KALRN: variants seen among roughly 807,000 people sequenced by gnomAD.
KALRN encodes kalirin RhoGEF kinase.
Under a neutral mutation model 353.7 loss-of-function variants are expected in KALRN, and 70 were observed. The ratio of observed to expected loss-of-function variants is 0.20; its 90% confidence interval spans 0.16 to 0.24. The LOEUF (loss-of-function observed/expected upper bound fraction) is 0.24. Ranked by LOEUF, KALRN falls within the 10% of genes least tolerant of loss-of-function variation. The pLI is 1.00. For missense variants in KALRN, 2,791 were observed against 3,756.7 expected, an observed-to-expected ratio of 0.74 and a Z score of 6.72; for synonymous variants, 1,391 against 1,434.8, an observed-to-expected ratio of 0.97 and a Z score of 0.69.
At chr3:124,518,297 T>C (rs2066851346) in intron 33 of KALRN, 1 of 955,324 alleles carries the variant, frequency 1.0e-6, no homozygotes, top group Non-Finnish European at 1.7e-6. Context: ...TACAGTAGGT[T>C]GCACTGATGA....
intron 15 of KALRN, among the ~76,000 whole-genome samples, chr3:124,427,741 A>G (rs929813847): frequency 6.6e-6 from 1 of 152,222 alleles, no homozygotes; most frequent in South Asian, 2.1e-4. Flanking sequence ...CTTCATTTCT[A>G]CTAACTGATT....
intron 6 of KALRN, among the ~76,000 whole-genome samples, chr3:124,315,597 G>A (rs957746839): frequency 5.3e-5 from 8 of 151,600 alleles, no homozygotes; most frequent in Non-Finnish European, 1.2e-4. Flanking sequence ...TTGTCAGCAT[G>A]TTCCATAACC....
chr3:124,258,673 G>A (rs946158880), intron 3 of KALRN, among the ~76,000 whole-genome samples: 15 of 152,202 alleles, frequency 9.9e-5, no homozygotes, highest in Non-Finnish European at 2.1e-4. Flanking sequence ...CCTACTATGT[G>A]CCAGGCACTG....
chr3:124,301,909 G>A (rs1467740524), intron 6 of KALRN, among the ~76,000 whole-genome samples: 1 of 152,204 alleles, frequency 6.6e-6, no homozygotes, highest in African/African-American at 2.4e-5. Flanking sequence ...TAGGCTGCAG[G>A]TAAGTCTTTT....
intron 1 of KALRN, among the ~76,000 whole-genome samples, chr3:124,115,248 T>A (rs1041176055): frequency 1.3e-5 from 2 of 152,144 alleles, no homozygotes; most frequent in Admixed American, 6.5e-5. Context: ...GAAAGGTTGG[T>A]TGGGTGGGCT....
intron 33 of KALRN, among the ~76,000 whole-genome samples, chr3:124,553,769 G>A (rs1324914339): frequency 2.0e-5 from 3 of 152,226 alleles, no homozygotes; most frequent in African/African-American, 7.2e-5. Context: ...GCACAAAGGA[G>A]CCAGGAGATG....
rs183982458 is a variant in KALRN at position 124,175,065 on chromosome 3, T to G, written c.74-52925T>G. Among the ~76,000 whole-genome samples, 209 of 152,240 alleles carry G rather than the reference T, an allele frequency of 1.4e-3. 3 individuals carry two copies. Among genetic ancestry groups the G allele is most frequent in the East Asian group, 5.8e-3 (30 of 5,168 alleles). ...GACTTCTATTGTCATAAAAAATTAA[T>G]GTGGAGGATGAGGTGATTTGTAGGG... On this transcript the variant is annotated intron_variant, in intron 1 of 59. Transcript: ENST00000682506.
chr3:124,150,265 C>G (rs2067914466), intron 1 of KALRN, among the ~76,000 whole-genome samples: 1 of 152,078 alleles, frequency 6.6e-6, no homozygotes, highest in Non-Finnish European at 1.5e-5. Flanking sequence ...CTAAAAAGCC[C>G]CTTATGTGTA....
intron 39 of KALRN, among the ~76,000 whole-genome samples, chr3:124,656,769 C>G (rs1028601720): frequency 2.6e-5 from 4 of 152,144 alleles, no homozygotes; most frequent in African/African-American, 4.8e-5. Context: ...CTTGGATAAA[C>G]AGATTAACCA....
intron 16 of KALRN, among the ~76,000 whole-genome samples, chr3:124,431,966 G>C (rs2093294924): frequency 6.6e-6 from 1 of 152,180 alleles, no homozygotes; most frequent in Admixed American, 6.5e-5. Flanking sequence ...TGCACACACA[G>C]CATCAGCAAA....
At chr3:124,687,951 C>G (rs765463490) in intron 51 of KALRN, among the ~76,000 whole-genome samples, 3 of 152,052 alleles carry the variant, frequency 2.0e-5, no homozygotes, top group Admixed American at 6.5e-5. Context: ...ACAAGTCTAT[C>G]GCTGCTTGGG....
rs762520505 is a variant in KALRN at position 124,461,859 on chromosome 3, T to C, written c.3855-31T>C. 4 of 1,537,022 alleles carry C rather than the reference T, an allele frequency of 2.6e-6. No individual in the cohort carries two copies. In the African/African-American group the frequency reaches 4.1e-5, roughly 16 times the overall value. On this transcript the variant is annotated intron_variant, in intron 23 of 59. Coordinates refer to ENST00000682506, the MANE Select transcript of KALRN (RefSeq NM_001388419.1). ...AAGGAGGAGAGACATTATATCTATATCCAAGTAAAAGCCCATTTGTTTCCT... is the reference window on the plus strand; with the variant it reads ...AAGGAGGAGAGACATTATATCTATACCCAAGTAAAAGCCCATTTGTTTCCT...
At chr3:124,610,942 C>T (rs2077883301) in intron 34 of KALRN, among the ~76,000 whole-genome samples, 1 of 152,156 alleles carries the variant, frequency 6.6e-6, no homozygotes, top group African/African-American at 2.4e-5. Flanking sequence ...GGGAGGATTG[C>T]TTGAGCCTGG....
intron 1 of KALRN, among the ~76,000 whole-genome samples, chr3:124,052,770 A>G (rs541798303): frequency 6.6e-6 from 1 of 152,168 alleles, no homozygotes; most frequent in Admixed American, 6.5e-5. Context: ...AGTAGTGGAT[A>G]GCAGGGCCAT....
At chr3:124,382,245 T>C (rs2087503212) in intron 10 of KALRN, among the ~76,000 whole-genome samples, 1 of 152,242 alleles carries the variant, frequency 6.6e-6, no homozygotes, top group Non-Finnish European at 1.5e-5. Flanking sequence ...AAATATTTAA[T>C]AATAATTAGC....
intron 11 of KALRN, among the ~76,000 whole-genome samples, chr3:124,388,362 G>A (rs1484702592): frequency 6.6e-6 from 1 of 151,646 alleles, no homozygotes; most frequent in Non-Finnish European, 1.5e-5. Context: ...CTTCTTCATG[G>A]GTGCTTCCAA....
Position 124,583,333 on chromosome 3 carries a change from A to AT in KALRN, c.5182+20245dup, listed in dbSNP as rs143901020. 4.4e-4 allele frequency among the ~76,000 whole-genome samples: 65 copies of AT among 148,250 alleles called. 1 individual carries two copies. The East Asian group carries it at 0.012, about 28-fold the overall frequency. On this transcript the variant is annotated intron_variant, in intron 34 of 59. Transcript: ENST00000682506. ...TTGCCCTAAAGCTGGACACAAAGGAATGGGAGAGACACCCTGTGAGTAATA... is the reference window on the plus strand; with the variant it reads ...TTGCCCTAAAGCTGGACACAAAGGAATTGGGAGAGACACCCTGTGAGTAATA...
chr3:124,198,030 A>G (rs1229820283), intron 1 of KALRN, among the ~76,000 whole-genome samples: 3 of 152,204 alleles, frequency 2.0e-5, no homozygotes, highest in African/African-American at 4.8e-5. Context: ...AAAAAACAAT[A>G]CCACATTTAT....
chr3:124,226,630 T>TC (rs1356185673), intron 1 of KALRN, among the ~76,000 whole-genome samples: 1 of 152,226 alleles, frequency 6.6e-6, no homozygotes, highest in East Asian at 1.9e-4. Context: ...CACACATCTC[T>TC]CTTCCTCCTT....
Sources: gnomAD v4.1 joint callset for allele counts (sites outside exome capture counted in the v4.1 genomes callset) on GRCh38, gnomAD v4.1.1 for gene constraint, MANE v1.5 for transcripts, NCBI Gene and HGNC (gene_info 2026-07-23, HGNC 2026-07-21) for gene names.